TENM4: variants seen among roughly 807,000 people sequenced by gnomAD.
TENM4 encodes teneurin-4.
TENM4 carries 82 observed loss-of-function variants against 243.3 expected under a neutral mutation model. The observed-to-expected ratio is 0.34, with a 90% CI of 0.28 to 0.40. The LOEUF is 0.40. TENM4 is among the 10% of genes least tolerant of loss of function. The pLI is 1.00. For synonymous variants in TENM4, 1,412 were observed against 1,456.3 expected, an observed-to-expected ratio of 0.97 and a Z score of 0.69; for missense variants, 3,138 against 3,673.3, an observed-to-expected ratio of 0.85 and a Z score of 3.77.
At chr11:78,821,355 A>T (rs914036878) in intron 12 of TENM4, among the ~76,000 whole-genome samples, 1 of 152,244 alleles carries the variant, frequency 6.6e-6, no homozygotes, top group African/African-American at 2.4e-5. Context: ...AATAATATTT[A>T]TTGTATTGAT....
chr11:78,672,648 A>T (rs1335277308), intron 30 of TENM4, among the ~76,000 whole-genome samples: 1 of 152,222 alleles, frequency 6.6e-6, no homozygotes, highest in Admixed American at 6.5e-5. Flanking sequence ...TCTAATGAGG[A>T]CACGTTTTAA....
rs1417367179 is a variant in TENM4, at chr11:78,661,636, C to G, written c.7409-45G>C. The G allele has an allele frequency of 4.4e-6, 7 of 1,599,704 alleles. No individual in the cohort carries two copies. The African/African-American group carries it at 6.7e-5, about 15-fold the overall frequency. ...AAACATCTCCATGGAGTGAGTGGACCTCATTTGCAACCCATCCCCATCTCA... is the reference window on the plus strand; with the variant it reads ...AAACATCTCCATGGAGTGAGTGGACGTCATTTGCAACCCATCCCCATCTCA... On this transcript the variant is annotated intron_variant, in intron 32 of 33. Transcript: ENST00000278550.
At chr11:79,277,331 G>A (rs896240081) in intron 2 of TENM4, among the ~76,000 whole-genome samples, 2 of 152,232 alleles carry the variant, frequency 1.3e-5, no homozygotes, top group African/African-American at 4.8e-5. Context: ...TTTACTCTGA[G>A]CCAGGAACAC....
At chr11:79,410,350 C>T (rs1012048243) in intron 1 of TENM4, among the ~76,000 whole-genome samples, 29 of 152,166 alleles carry the variant, frequency 1.9e-4, no homozygotes. Flanking sequence ...GTTTAATTTC[C>T]TCTCTGATCA....
At chr11:78,957,215 CA>C (rs1212738142) in intron 6 of TENM4, among the ~76,000 whole-genome samples, 1 of 152,140 alleles carries the variant, frequency 6.6e-6, no homozygotes, top group Non-Finnish European at 1.5e-5. Flanking sequence ...AAGTGGTGAA[CA>C]ACATTGCTGA....
chr11:79,395,441 A>G lies in TENM4; in HGVS notation c.-321+45068T>C, dbSNP rs113519132. ...CTAGATGGAGGATACTTTGGACAAG[A>G]ACTTGCCACCAGGAACACATTCCTG... On this transcript the variant is annotated intron_variant, in intron 1 of 33. Coordinates refer to ENST00000278550, the MANE Select transcript of TENM4 (RefSeq NM_001098816.3). Among the ~76,000 whole-genome samples, 301 of 152,306 alleles carry G rather than the reference A, an allele frequency of 2.0e-3. 1 individual carries two copies. The highest frequency in any genetic ancestry group is 6.9e-3 in the African/African-American group (285 of 41,560).
rs142972820 is a variant in TENM4, at chr11:78,870,983, C to T, written c.1085-7851G>A. ...GGGTGGGCTCTACTAAGACCTCTTCCGTATATAACTAATTTAGGAGTTGGC... is the reference window on the plus strand; with the variant it reads ...GGGTGGGCTCTACTAAGACCTCTTCTGTATATAACTAATTTAGGAGTTGGC... On this transcript the variant is annotated intron_variant, in intron 9 of 33. Transcript: ENST00000278550. Among the ~76,000 whole-genome samples the T allele has an allele frequency of 4.7e-3, 709 of 152,256 alleles. 3 individuals are homozygous for T. The highest frequency in any genetic ancestry group is 6.4e-3 in the Non-Finnish European group (438 of 68,002).
intron 6 of TENM4, among the ~76,000 whole-genome samples, chr11:79,047,066 C>T (rs1442177330): frequency 6.6e-6 from 1 of 152,160 alleles, no homozygotes; most frequent in Non-Finnish European, 1.5e-5. Flanking sequence ...CCAAGATTGA[C>T]ACAGATCTGT....
intron 3 of TENM4, among the ~76,000 whole-genome samples, chr11:79,188,518 G>A (rs914911470): frequency 5.3e-5 from 8 of 151,954 alleles, no homozygotes; most frequent in African/African-American, 1.9e-4. Flanking sequence ...AAGAGAGGAG[G>A]AGAGGAAGAA....
chr11:78,904,378 A>G (rs1379666758), intron 6 of TENM4, among the ~76,000 whole-genome samples: 38 of 150,196 alleles, frequency 2.5e-4, no homozygotes, highest in Admixed American at 2.5e-3. Context: ...AAAAAAAAGT[A>G]AAACATAGAG....
chr11:79,115,743 G>A (rs1360488790), intron 4 of TENM4, among the ~76,000 whole-genome samples: 1 of 152,224 alleles, frequency 6.6e-6, no homozygotes, highest in Non-Finnish European at 1.5e-5. Flanking sequence ...CAAGCAAGGT[G>A]AGGAAACTGA....
Position 78,653,220 on chromosome 11 carries a change from G to A in TENM4, c.*4838C>T, listed in dbSNP as rs1851126042. ...AGCAGGGAAGTGCAAACCCAGGATG[G>A]CTCGGGGGCTGGGACAGGCAAGAGG... On this transcript the variant is annotated 3_prime_UTR_variant, in exon 34 of 34. Coordinates refer to ENST00000278550, the MANE Select transcript of TENM4 (RefSeq NM_001098816.3). The A allele has an allele frequency of 6.6e-6, 1 of 152,236 alleles. No homozygotes were observed. The allele number at this position is 152,236 out of a possible 1,614,324, so 9.4% of individuals were successfully genotyped here. A position where few individuals can be genotyped will look rare whatever the true frequency, so the allele number is the denominator to read the frequency against.
intron 2 of TENM4, among the ~76,000 whole-genome samples, chr11:79,231,538 A>T (rs1406734765): frequency 6.6e-6 from 1 of 152,212 alleles, no homozygotes; most frequent in East Asian, 1.9e-4. Context: ...CCTTAGCATC[A>T]GGGGGCTTAC....
chr11:78,850,815 G>C (rs1232688249), intron 12 of TENM4, among the ~76,000 whole-genome samples: 1 of 152,164 alleles, frequency 6.6e-6, no homozygotes, highest in Non-Finnish European at 1.5e-5. Flanking sequence ...GATGGGGATT[G>C]CAAAGTACTA....
chr11:79,413,206 C>A (rs965868357), intron 1 of TENM4, among the ~76,000 whole-genome samples: 5 of 152,170 alleles, frequency 3.3e-5, no homozygotes, highest in Admixed American at 6.5e-5. Flanking sequence ...CCTTGTGTTC[C>A]AAATCTGCCC....
At chr11:79,159,610 C>T (rs952922710) in intron 3 of TENM4, among the ~76,000 whole-genome samples, 11 of 152,084 alleles carry the variant, frequency 7.2e-5, no homozygotes, top group Non-Finnish European at 1.3e-4. Context: ...CAGCTTTGCC[C>T]GCCCTCCTGG....
intron 6 of TENM4, among the ~76,000 whole-genome samples, chr11:79,053,872 A>G (rs1859867879): frequency 6.6e-6 from 1 of 152,142 alleles, no homozygotes; most frequent in Admixed American, 6.5e-5. Flanking sequence ...AAAGCAACCA[A>G]TTACTATACA....
intron 29 of TENM4, among the ~76,000 whole-genome samples, chr11:78,684,415 T>C (rs1858606623): frequency 6.6e-6 from 1 of 152,248 alleles, no homozygotes; most frequent in Non-Finnish European, 1.5e-5. Context: ...GCATATAGTG[T>C]TATGTAAATG....
intron 6 of TENM4, among the ~76,000 whole-genome samples, chr11:78,961,323 T>C (rs543609859): frequency 1.3e-5 from 2 of 152,264 alleles, no homozygotes; most frequent in South Asian, 4.1e-4. Context: ...CTCTTAGAGG[T>C]TTGAATTCCT....
Sources: gnomAD v4.1 joint callset for allele counts (sites outside exome capture counted in the v4.1 genomes callset) on GRCh38, gnomAD v4.1.1 for gene constraint, MANE v1.5 for transcripts, NCBI Gene and HGNC (gene_info 2026-07-23, HGNC 2026-07-21) for gene names.